The following VEGFC variants were observed in gnomAD, a reference collection of about 807,000 sequenced individuals.
The protein encoded by VEGFC is vascular endothelial growth factor C.
A neutral mutation model predicts 46.1 loss-of-function variants in VEGFC; 12 were observed. The observed-to-expected ratio is 0.26, with a 90% confidence interval of 0.17 to 0.42. The LOEUF (loss-of-function observed/expected upper bound fraction) is 0.42. VEGFC is among the 10% of genes least tolerant of loss of function. The pLI, the probability that VEGFC is intolerant of heterozygous loss-of-function variation, is 1.00. For synonymous variants in VEGFC, 232 were observed against 195.5 expected, an observed-to-expected ratio of 1.19 and a Z score of -1.56; for missense variants, 488 against 529.4, an observed-to-expected ratio of 0.92 and a Z score of 0.77.
intron 1 of VEGFC, among the ~76,000 whole-genome samples, chr4:176,756,891 T>G (rs1477904193): frequency 6.6e-6 from 1 of 152,070 alleles, no homozygotes; most frequent in Non-Finnish European, 1.5e-5. Context: ...GGAATATATT[T>G]CAGAGGAAGA....
intron 1 of VEGFC, among the ~76,000 whole-genome samples, chr4:176,765,121 A>G (rs1735596520): frequency 1.3e-5 from 2 of 152,164 alleles, no homozygotes; most frequent in Admixed American, 1.3e-4. Flanking sequence ...GAATTTGAGC[A>G]AAGAATAGAA....
At chr4:176,718,044 A>C (rs1284242066) in intron 3 of VEGFC, among the ~76,000 whole-genome samples, 1 of 152,148 alleles carries the variant, frequency 6.6e-6, no homozygotes, top group Non-Finnish European at 1.5e-5. Context: ...TCAATTGAAG[A>C]GTTTTAGAAA....
At position 176,792,289 on chromosome 4, in the gene VEGFC, G is replaced by A; in HGVS notation, c.23C>T (p.Ser8Phe). The A allele has an allele frequency of 6.5e-7, 1 of 1,534,822 alleles. No individual in the cohort carries two copies. The highest frequency in any genetic ancestry group is 1.2e-5 in the South Asian group (1 of 84,322). The change falls in exon 1 of 7, where the codon TCT becomes TTT. Residue 8 changes from serine to phenylalanine, a missense_variant. Transcript: ENST00000618562. The surrounding 1 kb of genome is among the most constrained non-coding windows in gnomAD (Gnocchi z 6.3). ...AGCGGCGAGCAGAGAACACGCCACA[G>A]AGAAGAAGCCCAGCAAGTGCATGGT... MHLLGFF[S>F]VACSLLAAAL...
intron 4 of VEGFC, among the ~76,000 whole-genome samples, chr4:176,692,813 C>A (rs1431636016): frequency 6.9e-6 from 1 of 145,540 alleles, no homozygotes; most frequent in Non-Finnish European, 1.5e-5. Flanking sequence ...AAGTGGGTCC[C>A]TGACCCCTGA....
chr4:176,703,908 C>T (rs73872157), intron 4 of VEGFC, among the ~76,000 whole-genome samples: 4,376 of 152,210 alleles, frequency 0.029, 219 homozygotes, highest in African/African-American at 0.098. Flanking sequence ...TTCAGTTTCT[C>T]ATGTGTAAAT....
chr4:176,696,929 A>G (rs1734325900), intron 4 of VEGFC, among the ~76,000 whole-genome samples: 1 of 151,760 alleles, frequency 6.6e-6, no homozygotes, highest in Admixed American at 6.6e-5. Context: ...CTGGCTAGCC[A>G]TATGTAGAAA....
chr4:176,702,144 C>G (rs956062971), intron 4 of VEGFC, among the ~76,000 whole-genome samples: 2 of 152,092 alleles, frequency 1.3e-5, no homozygotes, highest in Non-Finnish European at 2.9e-5. Context: ...AATCTACTTA[C>G]TCTATTCCTT....
intron 4 of VEGFC, among the ~76,000 whole-genome samples, chr4:176,690,155 T>C (rs1034165729): frequency 5.9e-5 from 9 of 152,192 alleles, no homozygotes; most frequent in East Asian, 1.9e-4. Flanking sequence ...ATAACTTCCA[T>C]GAAAACCTTG....
At chr4:176,703,143 C>CA (rs1242189172) in intron 4 of VEGFC, among the ~76,000 whole-genome samples, 4 of 151,800 alleles carry the variant, frequency 2.6e-5, no homozygotes, top group Non-Finnish European at 2.9e-5. Flanking sequence ...TTAGTAAATA[C>CA]AAAAAAATAG....
intron 6 of VEGFC, among the ~76,000 whole-genome samples, chr4:176,684,352 G>A (rs1042896268): frequency 6.6e-6 from 1 of 152,186 alleles, no homozygotes; most frequent in African/African-American, 2.4e-5. Context: ...AATTCTGAAA[G>A]TGAACACTGA....
At chr4:176,742,444 C>T (rs184366200) in intron 1 of VEGFC, among the ~76,000 whole-genome samples, 9 of 152,032 alleles carry the variant, frequency 5.9e-5, no homozygotes. Flanking sequence ...TATATAGTAC[C>T]ACCCGCATAC....
chr4:176,752,803 C>G (rs1735362791), intron 1 of VEGFC, among the ~76,000 whole-genome samples: 1 of 151,758 alleles, frequency 6.6e-6, no homozygotes, highest in Admixed American at 6.6e-5. Flanking sequence ...GGGAAAGAGC[C>G]TAGACTTCCA....
At chr4:176,711,346 T>C (rs1459294720) in intron 4 of VEGFC, among the ~76,000 whole-genome samples, 153 bp downstream of exon 4, 3 of 152,218 alleles carry the variant, frequency 2.0e-5, no homozygotes, top group Non-Finnish European at 2.9e-5. Flanking sequence ...TTATTTTCAT[T>C]GTATACTATA....
chr4:176,777,529 C>G (rs909159722), intron 1 of VEGFC, among the ~76,000 whole-genome samples: 1 of 152,168 alleles, frequency 6.6e-6, no homozygotes, highest in African/African-American at 2.4e-5. Flanking sequence ...CTGTTTTCCT[C>G]AGATTTTATA....
intron 1 of VEGFC, among the ~76,000 whole-genome samples, chr4:176,751,568 G>A (rs1373878354): frequency 6.6e-6 from 1 of 151,928 alleles, no homozygotes. Flanking sequence ...TAACCCATGG[G>A]TCATACAACA....
At chr4:176,771,745 AT>A (rs1197092579) in intron 1 of VEGFC, among the ~76,000 whole-genome samples, 1 of 152,182 alleles carries the variant, frequency 6.6e-6, no homozygotes. Flanking sequence ...AACACACTGC[AT>A]CTGTACCAGG....
At chr4:176,696,170 A>G (rs1208256564) in intron 4 of VEGFC, among the ~76,000 whole-genome samples, 3 of 144,402 alleles carry the variant, frequency 2.1e-5, no homozygotes, top group African/African-American at 7.8e-5. Flanking sequence ...AGGGTATTCA[A>G]TTAGGAAAAG....
At chr4:176,762,429 C>T (rs1735546002) in intron 1 of VEGFC, among the ~76,000 whole-genome samples, 1 of 152,180 alleles carries the variant, frequency 6.6e-6, no homozygotes. Context: ...CTTCAAAGCG[C>T]CACCTTAGAA....
chr4:176,741,948 C>T (rs1349228106), intron 1 of VEGFC, among the ~76,000 whole-genome samples: 1 of 151,610 alleles, frequency 6.6e-6, no homozygotes, highest in Non-Finnish European at 1.5e-5. Flanking sequence ...TAATTCAAAC[C>T]CTAGTTCCTC....
Sources: gnomAD v4.1 joint callset for allele counts (sites outside exome capture counted in the v4.1 genomes callset) on GRCh38, gnomAD v4.1.1 for gene constraint, Gnocchi (gnomAD v3.1) non-coding constraint, MANE v1.5 for transcripts, NCBI Gene and HGNC (gene_info 2026-07-23, HGNC 2026-07-21) for gene names.